Variants in AGBL1 observed in about 807,000 individuals in gnomAD.
AGBL1 encodes AGBL carboxypeptidase 1.
AGBL1 carries 130 observed loss-of-function variants against 118.9 expected under a neutral mutation model. The ratio of observed to expected loss-of-function variants is 1.09; its 90% CI spans 0.95 to 1.26. The LOEUF is 1.26. Ranked by LOEUF, AGBL1 falls within the 50% of genes most tolerant of loss-of-function variation. AGBL1 has a pLI of 0.00. For missense variants in AGBL1, 1,584 were observed against 1,298.1 expected, an observed-to-expected ratio of 1.22 and a Z score of -3.38; for synonymous variants, 555 against 478.9, an observed-to-expected ratio of 1.16 and a Z score of -2.08.
chr15:86,387,647 G>A (rs75784898), intron 17 of AGBL1, among the ~76,000 whole-genome samples: 6,018 of 152,270 alleles, frequency 0.04, 175 homozygotes, highest in East Asian at 0.076. Flanking sequence ...AAAAAGATTT[G>A]TAGGCTGCCA....
In AGBL1 at chr15:86,258,003, A is replaced by C. The variant is rs777941296; in HGVS notation, c.941A>C (p.Asp314Ala). 1 of 1,613,662 alleles carries C rather than the reference A, an allele frequency of 6.2e-7. No homozygotes were observed. Among genetic ancestry groups the C allele is most frequent in the Non-Finnish European group, 8.5e-7 (1 of 1,179,774 alleles). ...GATGGCGATGATGAAGTGGACAAAG[A>C]CTCTGATACTGAAGATGGGAAAGTG... is the stretch of plus-strand genomic sequence containing the variant. ...EDDGDDEVDK[D>A]SDTEDGKVED... The change falls in exon 9 of 23, where the codon GAC becomes GCC. Residue 314 changes from aspartate to alanine, a missense_variant. Transcript: ENST00000614907.
chr15:86,573,974 A>T (rs1273922275), intron 21 of AGBL1, among the ~76,000 whole-genome samples: 2 of 152,338 alleles, frequency 1.3e-5, no homozygotes, highest in Middle Eastern at 3.4e-3. Context: ...TATAGTTTAC[A>T]AAACATTTTC....
rs145432086 is a variant in AGBL1 at position 86,270,090 on chromosome 15, G to A, written c.1987+23G>A. 5.4e-4 allele frequency: 859 copies of A among 1,598,666 alleles called. 6 individuals carry two copies. The African/African-American group carries it at 8.6e-3, about 16-fold the overall frequency. ...ATGGTATGAACGCTTGGGGAGCAGGGGCTTTCTGGAACATGCCAGGAATGA... is the reference window on the plus strand; with the variant it reads ...ATGGTATGAACGCTTGGGGAGCAGGAGCTTTCTGGAACATGCCAGGAATGA... On this transcript the variant is annotated intron_variant, in intron 14 of 22. Coordinates refer to ENST00000614907, the MANE Select transcript of AGBL1 (RefSeq NM_001386094.1).
chr15:86,178,613 G>C (rs371349030), intron 5 of AGBL1, among the ~76,000 whole-genome samples: 5 of 152,204 alleles, frequency 3.3e-5, no homozygotes, highest in Admixed American at 2.6e-4. Context: ...ACAAAGAAAA[G>C]TCTAGGTTTA....
intron 5 of AGBL1, among the ~76,000 whole-genome samples, chr15:86,197,896 TAA>T (rs113902642): frequency 5.6e-5 from 8 of 143,490 alleles, no homozygotes; most frequent in African/African-American, 1.5e-4. Flanking sequence ...AGCTATTCTT[TAA>T]AAAAAAAAAA....
chr15:86,979,345 C>T (rs2081205976), intron 23 of AGBL1, among the ~76,000 whole-genome samples: 1 of 152,174 alleles, frequency 6.6e-6, no homozygotes, highest in African/African-American at 2.4e-5. Context: ...TTATAATGCA[C>T]ATTTGTTTCC....
chr15:86,681,830 A>G (rs1220203930), intron 22 of AGBL1, among the ~76,000 whole-genome samples: 1 of 152,030 alleles, frequency 6.6e-6, no homozygotes, highest in Admixed American at 6.6e-5. Context: ...TGTGTTGGAG[A>G]GGTTAAGGAG....
intron 17 of AGBL1, among the ~76,000 whole-genome samples, chr15:86,355,614 T>C (rs572737780): frequency 3.3e-5 from 5 of 152,324 alleles, no homozygotes; most frequent in South Asian, 2.1e-4. Flanking sequence ...TATCTGTGTT[T>C]ATGTGTCTCT....
intron 18 of AGBL1, among the ~76,000 whole-genome samples, chr15:86,410,807 GATATATATATATATATATATATAT>G (rs36127489): frequency 7.4e-5 from 3 of 40,362 alleles, no homozygotes; most frequent in East Asian, 3.2e-3. Flanking sequence ...GTCAAATGTA[GATATATATATATATATATATATAT>G]ATATATATAT....
At chr15:86,961,524 G>C (rs1383440960) in intron 23 of AGBL1, among the ~76,000 whole-genome samples, 1 of 152,036 alleles carries the variant, frequency 6.6e-6, no homozygotes, top group Non-Finnish European at 1.5e-5. Context: ...TTACACACAG[G>C]GGAGAGGGTC....
At chr15:86,165,820 C>T (rs529232899) in intron 5 of AGBL1, among the ~76,000 whole-genome samples, 15 of 152,210 alleles carry the variant, frequency 9.9e-5, no homozygotes, top group South Asian at 2.1e-4. Flanking sequence ...GCCTCACAAG[C>T]GCTGATATTG....
chr15:86,402,132 G>A (rs2081456489), intron 18 of AGBL1, among the ~76,000 whole-genome samples: 1 of 151,818 alleles, frequency 6.6e-6, no homozygotes, highest in Non-Finnish European at 1.5e-5. Context: ...TTTTTCAGCA[G>A]TGTTTTGTTT....
At chr15:86,771,763 A>G (rs1399987183) in intron 22 of AGBL1, among the ~76,000 whole-genome samples, 1 of 151,926 alleles carries the variant, frequency 6.6e-6, no homozygotes, top group East Asian at 1.9e-4. Context: ...TTTTTTCTCC[A>G]ATGAACTGGA....
chr15:86,824,313 A>T (rs559510464), intron 22 of AGBL1, among the ~76,000 whole-genome samples: 1 of 152,108 alleles, frequency 6.6e-6, no homozygotes, highest in East Asian at 1.9e-4. Context: ...CTGAAACTAA[A>T]ATTTAAAATA....
intron 21 of AGBL1, among the ~76,000 whole-genome samples, chr15:86,556,715 G>A (rs1401962614): frequency 6.6e-6 from 1 of 152,170 alleles, no homozygotes. Flanking sequence ...GGGAAGCTGA[G>A]TCCCAGTTGA....
chr15:86,205,974 C>G (rs1304197130), intron 5 of AGBL1, among the ~76,000 whole-genome samples: 1 of 152,130 alleles, frequency 6.6e-6, no homozygotes, highest in Non-Finnish European at 1.5e-5. Context: ...GCTATCCCTC[C>G]CCCTGCCCGC....
rs147675609 is a variant in AGBL1 at position 86,604,608 on chromosome 15, T to C, written c.2994+50071T>C. 6.1e-4 allele frequency among the ~76,000 whole-genome samples: 93 copies of C among 152,322 alleles called. 1 individual carries two copies. In the East Asian group the frequency reaches 0.016, roughly 27 times the overall value. The stretch of plus-strand genomic sequence containing the variant: ...ATTTTCTATGTGCCTTACCTTTTAA[T>C]AATACCTGTACAGTTGGGTTGACAT... On this transcript the variant is annotated intron_variant, in intron 21 of 22. Coordinates refer to ENST00000614907, the MANE Select transcript of AGBL1 (RefSeq NM_001386094.1).
At chr15:86,157,802 G>A (rs997149) in intron 4 of AGBL1, among the ~76,000 whole-genome samples, 77,763 of 151,970 alleles carry the variant, frequency 0.51, 22,288 homozygotes, top group African/African-American at 0.78. Flanking sequence ...TGAACCCTTT[G>A]GAAGTTCTCA....
intron 21 of AGBL1, among the ~76,000 whole-genome samples, chr15:86,575,690 A>G (rs1293879533): frequency 2.0e-5 from 3 of 151,730 alleles, no homozygotes; most frequent in African/African-American, 7.3e-5. Flanking sequence ...CCTGGGCTCA[A>G]GTGATCCTCC....
Sources: gnomAD v4.1 joint callset for allele counts (sites outside exome capture counted in the v4.1 genomes callset) on GRCh38, gnomAD v4.1.1 for gene constraint, MANE v1.5 for transcripts, NCBI Gene and HGNC (gene_info 2026-07-23, HGNC 2026-07-21) for gene names.